The following JPH1 variants were observed in gnomAD, a reference collection of about 807,000 sequenced individuals.
JPH1 encodes junctophilin-1.
In JPH1, 12 loss-of-function variants were observed where a neutral mutation model predicts 53.6. That is an observed-to-expected ratio of 0.22 (90% CI 0.14 to 0.36). The LOEUF is 0.36. JPH1 is among the 10% of genes least tolerant of loss of function. The probability of loss-of-function intolerance (pLI) is 1.00; values close to 1 mark genes in which losing one functional copy is unlikely to be tolerated. For synonymous variants in JPH1, 375 were observed against 363.8 expected, an observed-to-expected ratio of 1.03 and a Z score of -0.35; for missense variants, 808 against 905.5, an observed-to-expected ratio of 0.89 and a Z score of 1.38.
intron 2 of JPH1, among the ~76,000 whole-genome samples, chr8:74,313,069 C>T (rs559842914): frequency 6.6e-6 from 1 of 152,300 alleles, no homozygotes; most frequent in East Asian, 1.9e-4. Context: ...GTTATACAAA[C>T]TCCTCCAATG....
intron 2 of JPH1, among the ~76,000 whole-genome samples, chr8:74,298,928 A>C (rs1022430): frequency 1.3e-5 from 2 of 152,070 alleles, no homozygotes; most frequent in Non-Finnish European, 2.9e-5. Context: ...AGCCATTACG[A>C]AACATCAACC....
intron 2 of JPH1, among the ~76,000 whole-genome samples, chr8:74,294,991 G>A (rs1194565351): frequency 6.6e-6 from 1 of 152,224 alleles, no homozygotes; most frequent in Non-Finnish European, 1.5e-5. Context: ...CAGAGTGTGT[G>A]CTTTACCACT....
At chr8:74,249,253 A>G (rs1009263415) in intron 3 of JPH1, among the ~76,000 whole-genome samples, 3 of 152,334 alleles carry the variant, frequency 2.0e-5, no homozygotes, top group East Asian at 3.9e-4. Flanking sequence ...GGCAGTGCCA[A>G]TATCAAATGC....
intron 3 of JPH1, among the ~76,000 whole-genome samples, chr8:74,250,371 G>A (rs1486490429): frequency 1.3e-5 from 2 of 152,170 alleles, no homozygotes; most frequent in Non-Finnish European, 2.9e-5. Context: ...GGCCTCACAT[G>A]ATCTGCCCGC....
At chr8:74,293,698 T>G (rs913726415) in intron 2 of JPH1, among the ~76,000 whole-genome samples, 1 of 152,242 alleles carries the variant, frequency 6.6e-6, no homozygotes, top group African/African-American at 2.4e-5. Context: ...CATTCACTTC[T>G]TTGATTTCTG....
intron 3 of JPH1, among the ~76,000 whole-genome samples, chr8:74,254,611 T>C (rs1806163442): frequency 6.6e-6 from 1 of 152,128 alleles, no homozygotes; most frequent in African/African-American, 2.4e-5. Context: ...ATTGTCCCTG[T>C]TTGCAGATGA....
intron 1 of JPH1, among the ~76,000 whole-genome samples, chr8:74,317,853 T>C (rs1808206477): frequency 6.6e-6 from 1 of 152,192 alleles, no homozygotes; most frequent in African/African-American, 2.4e-5. Flanking sequence ...GTACAGTATT[T>C]AGAATTTCCA....
At chr8:74,290,118 T>C (rs2131431022) in intron 2 of JPH1, among the ~76,000 whole-genome samples, 2 of 152,350 alleles carry the variant, frequency 1.3e-5, no homozygotes, top group Middle Eastern at 6.8e-3. Flanking sequence ...TCATCACTCC[T>C]ATTCAACAGA....
Position 74,321,012 on chromosome 8 carries a change from C to T in JPH1, c.276G>A (p.Gly92=). The T allele has an allele frequency of 6.2e-7, 1 of 1,612,926 alleles. No individual in the cohort carries two copies. Among genetic ancestry groups the T allele is most frequent in the Non-Finnish European group, 8.5e-7 (1 of 1,179,540 alleles). Residue 92 remains glycine, a synonymous_variant, in exon 1 of 6, where the codon GGG becomes GGA. Coordinates refer to ENST00000342232, the MANE Select transcript of JPH1 (RefSeq NM_020647.4). The surrounding 1 kb of genome is among the most constrained non-coding windows in gnomAD (Gnocchi z 4.3). ...YRGEWSHGFK[G]RYGVRQSLCT... is the part of the protein sequence containing the mutation. ...ACAGGCTCTGCCGGACCCCGTAGCG[C>T]CCCTTGAAACCATGTGACCACTCCC...
At position 74,315,694 on chromosome 8, in the gene JPH1, C is replaced by T; in HGVS notation, c.380-74G>A. 2 of 1,414,528 alleles carry T rather than the reference C, an allele frequency of 1.4e-6. No individual in the cohort carries two copies. The highest frequency in any genetic ancestry group is 1.9e-6 in the Non-Finnish European group (2 of 1,059,472). 87.6% of individuals were successfully genotyped at this position (1,414,528 alleles called of 1,614,324 possible). ...CGTCACCTGCACCATCCAGCGCACA[C>T]TGGCGCAGGCCTGCCCAAGGTCAAA... On this transcript the variant is annotated intron_variant, in intron 1 of 5. Transcript: ENST00000342232. The surrounding 1 kb of genome is among the most constrained non-coding windows in gnomAD (Gnocchi z 6.3).
intron 2 of JPH1, 82 bp downstream of exon 2, chr8:74,314,779 A>G: frequency 6.8e-7 from 1 of 1,468,748 alleles, no homozygotes; most frequent in East Asian, 2.3e-5. Flanking sequence ...TAGCGATGTC[A>G]CTGGCAGATA....
At chr8:74,259,700 G>A (rs1383173697) in intron 2 of JPH1, among the ~76,000 whole-genome samples, 197 bp from the exon 3 acceptor site, 1 of 152,204 alleles carries the variant, frequency 6.6e-6, no homozygotes, top group Non-Finnish European at 1.5e-5. Context: ...CCCATGAATT[G>A]CCTTAGCCCT....
rs527740112 is a variant in JPH1 at position 74,310,814 on chromosome 8, C to T, written c.1139+4047G>A. 2.2e-4 allele frequency among the ~76,000 whole-genome samples: 33 copies of T among 152,316 alleles called. No individual in the cohort carries two copies. In the South Asian group the frequency reaches 6.8e-3, roughly 32 times the overall value. Reference sequence around the variant, plus strand: ...TTCAAGATAAAATAGGATGATGGTACAAGGGTGCGTCCATTTCCCAGGGAC... The same window carrying T: ...TTCAAGATAAAATAGGATGATGGTATAAGGGTGCGTCCATTTCCCAGGGAC... On this transcript the variant is annotated intron_variant, in intron 2 of 5. Transcript: ENST00000342232.
At chr8:74,293,914 C>T (rs888782157) in intron 2 of JPH1, among the ~76,000 whole-genome samples, 1 of 152,206 alleles carries the variant, frequency 6.6e-6, no homozygotes, top group African/African-American at 2.4e-5. Flanking sequence ...TTGACACCAA[C>T]CTCCCACTCA....
rs573825812 is a variant in JPH1, at chr8:74,246,531, C to G, written c.1259-1356G>C. On this transcript the variant is annotated intron_variant, in intron 3 of 5. Coordinates refer to ENST00000342232, the MANE Select transcript of JPH1 (RefSeq NM_020647.4). ...ACAAGGAATTTTCCAAAATTTAAAG[C>G]CTCACCAAAATCTTAGGGAGTAGGT... is the stretch of plus-strand genomic sequence containing the variant. 2.6e-5 allele frequency among the ~76,000 whole-genome samples: 4 copies of G among 152,182 alleles called. No homozygotes were observed. In the South Asian group the frequency reaches 8.3e-4, roughly 32 times the overall value.
chr8:74,289,779 AG>A (rs1432040137), intron 2 of JPH1, among the ~76,000 whole-genome samples: 1 of 152,212 alleles, frequency 6.6e-6, no homozygotes, highest in African/African-American at 2.4e-5. Context: ...TTTAGCATGA[AG>A]GGCTGCTGAA....
chr8:74,295,218 T>C (rs4738442), intron 2 of JPH1, among the ~76,000 whole-genome samples: 7,067 of 152,286 alleles, frequency 0.046, 348 homozygotes, highest in East Asian at 0.24. Context: ...GAAGGTCTCT[T>C]GGTTCCTCTA....
At chr8:74,284,914 T>C (rs1319111512) in intron 2 of JPH1, among the ~76,000 whole-genome samples, 1 of 151,692 alleles carries the variant, frequency 6.6e-6, no homozygotes, top group African/African-American at 2.4e-5. Context: ...AACCTCTGCC[T>C]CACGGGTTCA....
chr8:74,317,300 G>A (rs1470663120), intron 1 of JPH1, among the ~76,000 whole-genome samples: 1 of 152,174 alleles, frequency 6.6e-6, no homozygotes, highest in Non-Finnish European at 1.5e-5. Flanking sequence ...ATACTAAGTG[G>A]GTCTGGTACT....
Sources: gnomAD v4.1 joint callset for allele counts (sites outside exome capture counted in the v4.1 genomes callset) on GRCh38, gnomAD v4.1.1 for gene constraint, Gnocchi (gnomAD v3.1) non-coding constraint, MANE v1.5 for transcripts, NCBI Gene and HGNC (gene_info 2026-07-23, HGNC 2026-07-21) for gene names.